The following LINGO2 variants were observed in gnomAD, a reference collection of about 807,000 sequenced individuals.
The protein encoded by LINGO2 is leucine rich repeat and Ig domain containing 2, also known as leucine-rich repeat and immunoglobulin-like domain-containing nogo receptor-interacting protein 2.
In LINGO2, 14 loss-of-function variants were observed where a neutral mutation model predicts 30.6. The ratio of observed to expected loss-of-function variants is 0.46; its 90% CI spans 0.30 to 0.72. The LOEUF is 0.72. LINGO2 is among the 30% of genes least tolerant of loss of function. The pLI, the probability that LINGO2 is intolerant of heterozygous loss-of-function variation, is 0.07. For missense variants in LINGO2, 729 were observed against 751.7 expected, an observed-to-expected ratio of 0.97 and a Z score of 0.35; for synonymous variants, 317 against 288.5, an observed-to-expected ratio of 1.10 and a Z score of -1.00.
chr9:28,758,829 A>T, the LINGO2 span, among the ~76,000 whole-genome samples: 34 of 152,222 alleles, frequency 2.2e-4, 1 homozygote, highest in South Asian at 6.6e-3. Flanking sequence ...TACTTATGTA[A>T]TAACGATAAC....
chr9:29,076,630 T>TAA, the LINGO2 span, among the ~76,000 whole-genome samples: 3 of 132,060 alleles, frequency 2.3e-5, no homozygotes, highest in Non-Finnish European at 3.2e-5. Context: ...AATAAATAAA[T>TAA]AAATATATAT....
At chr9:28,589,724 G>T (rs1357897664) in intron 1 of LINGO2, among the ~76,000 whole-genome samples, 1 of 151,844 alleles carries the variant, frequency 6.6e-6, no homozygotes, top group Non-Finnish European at 1.5e-5. Context: ...TGGCCATACT[G>T]CCCAAGGTAA....
At chr9:29,208,504 CAT>C in the LINGO2 span, among the ~76,000 whole-genome samples, 10 of 152,164 alleles carry the variant, frequency 6.6e-5, no homozygotes, top group East Asian at 1.3e-3. Context: ...TTTCATGACA[CAT>C]GTTAATATCT....
At chr9:28,714,003 G>A in the LINGO2 span, among the ~76,000 whole-genome samples, 1 of 151,544 alleles carries the variant, frequency 6.6e-6, no homozygotes, top group Non-Finnish European at 1.5e-5. Context: ...ACTAAAAATA[G>A]AAAAATTTAG....
intron 1 of LINGO2, among the ~76,000 whole-genome samples, chr9:28,641,240 G>T (rs896806558): frequency 1.3e-5 from 2 of 152,062 alleles, no homozygotes; most frequent in African/African-American, 4.8e-5. Context: ...GTTTCACCAT[G>T]TTAGCCAGGA....
intron 4 of LINGO2, among the ~76,000 whole-genome samples, chr9:28,220,867 A>G (rs1387384877): frequency 6.6e-6 from 1 of 152,216 alleles, no homozygotes; most frequent in Non-Finnish European, 1.5e-5. Flanking sequence ...CCAAAGGAAA[A>G]AAACCCAAAC....
rs1310562065 is a variant in LINGO2 at position 28,000,579 on chromosome 9, T to A, written c.-36+11776A>T. ...AAATGACCAACTTAATTTACTAGAA[T>A]ACAATCTCTGCATTCCTGACACCAT... On this transcript the variant is annotated intron_variant, in intron 5 of 5. Transcript: ENST00000379992. Among the ~76,000 whole-genome samples, 5 of 152,210 alleles carry A rather than the reference T, an allele frequency of 3.3e-5. No homozygotes were observed. In the East Asian group the frequency reaches 9.6e-4, roughly 29 times the overall value.
the LINGO2 span, among the ~76,000 whole-genome samples, chr9:28,903,622 C>T: frequency 2.6e-5 from 4 of 152,022 alleles, no homozygotes; most frequent in Non-Finnish European, 5.9e-5. Context: ...ACTACAGGTG[C>T]CTCCTGCTAC....
chr9:28,569,957 C>T (rs1470693609), intron 1 of LINGO2, among the ~76,000 whole-genome samples: 2 of 151,398 alleles, frequency 1.3e-5, no homozygotes, highest in African/African-American at 4.9e-5. Flanking sequence ...GACATAAATA[C>T]AATAATAAAC....
chr9:29,138,166 C>T, the LINGO2 span, among the ~76,000 whole-genome samples: 1 of 151,924 alleles, frequency 6.6e-6, no homozygotes, highest in African/African-American at 2.4e-5. Context: ...AAATAAAACT[C>T]TTCCAAAACT....
At chr9:28,012,811 T>C (rs1283911899) in intron 4 of LINGO2, among the ~76,000 whole-genome samples, 1 of 152,098 alleles carries the variant, frequency 6.6e-6, no homozygotes, top group Non-Finnish European at 1.5e-5. Flanking sequence ...ACTTTTATGA[T>C]ATCTCCATTC....
At chr9:28,025,451 T>C (rs929498725) in intron 4 of LINGO2, among the ~76,000 whole-genome samples, 1 of 152,168 alleles carries the variant, frequency 6.6e-6, no homozygotes, top group Non-Finnish European at 1.5e-5. Context: ...TGGACACTCT[T>C]TTCTCAGCTA....
the LINGO2 span, among the ~76,000 whole-genome samples, chr9:28,754,360 A>G: frequency 6.6e-6 from 1 of 152,060 alleles, no homozygotes. Context: ...CTAAAATTCT[A>G]GCTTTTCTGA....
chr9:28,519,365 G>A (rs1820746008), intron 1 of LINGO2, among the ~76,000 whole-genome samples: 1 of 151,974 alleles, frequency 6.6e-6, no homozygotes, highest in Admixed American at 6.6e-5. Flanking sequence ...CTCTTTTATT[G>A]TCTTCATCTC....
At chr9:28,132,357 T>G (rs956768232) in intron 4 of LINGO2, among the ~76,000 whole-genome samples, 1 of 151,332 alleles carries the variant, frequency 6.6e-6, no homozygotes, top group African/African-American at 2.4e-5. Flanking sequence ...AATAGGATAA[T>G]GTCTAGATAA....
intron 1 of LINGO2, among the ~76,000 whole-genome samples, chr9:28,476,783 C>G (rs1037981312): frequency 1.3e-5 from 2 of 152,154 alleles, no homozygotes; most frequent in East Asian, 3.8e-4. Flanking sequence ...GGTCAGCATG[C>G]AAGTCTAAGA....
chr9:28,935,910 T>G, the LINGO2 span, among the ~76,000 whole-genome samples: 4 of 152,088 alleles, frequency 2.6e-5, no homozygotes, highest in African/African-American at 7.2e-5. Context: ...GATTTTGTTT[T>G]GTTAGAGAAA....
At chr9:29,032,204 T>G in the LINGO2 span, among the ~76,000 whole-genome samples, 2 of 152,178 alleles carry the variant, frequency 1.3e-5, no homozygotes, top group Admixed American at 6.5e-5. Flanking sequence ...CAGTGGCTTA[T>G]TTAAAGTTAT....
At position 28,370,880 on chromosome 9, in the gene LINGO2, A is replaced by G. The variant is rs1820868915; in HGVS notation, c.-246+1956T>C. On this transcript the variant is annotated intron_variant, in intron 3 of 5. Transcript: ENST00000379992. Reference sequence around the variant, plus strand: ...CCTGGATTTTATTATTTGAAGACAAAAATGATTAAAATGAATAATAGTTGA... The same window carrying G: ...CCTGGATTTTATTATTTGAAGACAAGAATGATTAAAATGAATAATAGTTGA... 2.0e-5 allele frequency among the ~76,000 whole-genome samples: 3 copies of G among 152,218 alleles called. No individual in the cohort carries two copies. The South Asian group carries it at 6.2e-4, about 32-fold the overall frequency.
Sources: allele counts gnomAD v4.1 joint callset (sites outside exome capture counted in the v4.1 genomes callset), GRCh38; gene constraint gnomAD v4.1.1; transcripts MANE v1.5; gene names NCBI Gene and HGNC (gene_info 2026-07-23, HGNC 2026-07-21).